Variants in ZPLD1 observed in about 807,000 individuals in gnomAD.
ZPLD1 encodes zona pellucida like domain containing 1.
In ZPLD1, 34 loss-of-function variants were observed where a neutral mutation model predicts 47.2. The ratio of observed to expected loss-of-function variants is 0.72; its 90% CI spans 0.55 to 0.96. The LOEUF is 0.96. Ranked by LOEUF, ZPLD1 falls within the 40% of genes least tolerant of loss-of-function variation. The pLI, the probability that ZPLD1 is intolerant of heterozygous loss-of-function variation, is 0.00. For synonymous variants in ZPLD1, 176 were observed against 186.2 expected, an observed-to-expected ratio of 0.95 and a Z score of 0.45; for missense variants, 512 against 505.8, an observed-to-expected ratio of 1.01 and a Z score of -0.12.
chr3:102,453,053 G>A lies in ZPLD1; in HGVS notation c.241G>A (p.Gly81Arg), dbSNP rs1380057326. The A allele has an allele frequency of 1.2e-6, 2 of 1,614,046 alleles. No homozygotes were observed. The highest frequency in any genetic ancestry group is 1.7e-6 in the Non-Finnish European group (2 of 1,179,990). Residue 81 changes from glycine (G) to arginine (R), a missense_variant, in exon 4 of 12, where the codon GGG becomes AGG. By Grantham distance (125) the Gly-to-Arg change is moderately radical. Transcript: ENST00000466937. ...NGRHGDSHCR[G>R]FINNNTFPAV... ...AAGGCATGGGGACTCCCACTGCAGA[G>A]GGTTCATCAATAACAACACCTTTCC...
intron 10 of ZPLD1, among the ~76,000 whole-genome samples, chr3:102,471,267 C>T (rs890831414): frequency 6.6e-6 from 1 of 152,174 alleles, no homozygotes; most frequent in Non-Finnish European, 1.5e-5. Flanking sequence ...CACAGGGCTC[C>T]TCCCAGACAA....
intron 6 of ZPLD1, among the ~76,000 whole-genome samples, chr3:102,388,225 T>C (rs1381647940): frequency 6.6e-6 from 1 of 152,190 alleles, no homozygotes; most frequent in Non-Finnish European, 1.5e-5. Flanking sequence ...CACTCTGCTC[T>C]GATCATCCGA....
chr3:102,475,032 C>T lies in ZPLD1; in HGVS notation c.1043-1980C>T, dbSNP rs1431394841. ...GCAATAATACAAAAATTGGAGGCTA[C>T]CAGAAATAGCAACTAGATAAAGCAA... On this transcript the variant is annotated intron_variant, in intron 10 of 11. Transcript: ENST00000466937. 5.3e-5 allele frequency among the ~76,000 whole-genome samples: 8 copies of T among 151,492 alleles called. 1 individual carries two copies. Among genetic ancestry groups the T allele is most frequent in the Admixed American group, 6.6e-5 (1 of 15,152 alleles).
At chr3:102,459,054 C>T (rs941967341) in intron 6 of ZPLD1, among the ~76,000 whole-genome samples, 2 of 132,930 alleles carry the variant, frequency 1.5e-5, no homozygotes, top group Non-Finnish European at 3.1e-5. Context: ...AGCACCACTG[C>T]ACTCCAGCCT....
At chr3:102,414,417 G>A (rs1706780914) in intron 7 of ZPLD1, among the ~76,000 whole-genome samples, 1 of 151,782 alleles carries the variant, frequency 6.6e-6, no homozygotes, top group African/African-American at 2.4e-5. Context: ...TTGTCAAATA[G>A]GACAGTATTG....
chr3:102,469,030 T>C lies in ZPLD1; in HGVS notation c.828T>C (p.Phe276=). ...GAAGCCAGCGGGGCCGGTTTTCTTTTGAAGTGTTCCGATTTGTGAAACACA... is the reference window on the plus strand; with the variant it reads ...GAAGCCAGCGGGGCCGGTTTTCTTTCGAAGTGTTCCGATTTGTGAAACACA... The part of the protein sequence containing the change: ...NGRSQRGRFS[F]EVFRFVKHKN... The change falls in exon 9 of 12, where the codon TTT becomes TTC. Residue 276 remains phenylalanine (F), a synonymous_variant. Transcript: ENST00000466937. 6.2e-7 allele frequency: 1 copy of C among 1,614,168 alleles called. No homozygotes were observed. Among genetic ancestry groups the C allele is most frequent in the Non-Finnish European group, 8.5e-7 (1 of 1,180,014 alleles).
At chr3:102,468,618 GA>G (rs1180980070) in intron 8 of ZPLD1, among the ~76,000 whole-genome samples, 1 of 152,112 alleles carries the variant, frequency 6.6e-6, no homozygotes, top group East Asian at 1.9e-4. Flanking sequence ...TATACCCTGG[GA>G]ATGATGTGAA....
rs372009877 is a variant in ZPLD1, at chr3:102,396,713, G to C, written c.-157+4488G>C. ...GCAGCATTCAGATGGAGTGGTGCTGGCTAAAGCCTGAGCCTTTGACCACGG... is the reference window on the plus strand; with the variant it reads ...GCAGCATTCAGATGGAGTGGTGCTGCCTAAAGCCTGAGCCTTTGACCACGG... On this transcript the variant is annotated intron_variant, in intron 7 of 17. Transcript: ENST00000491959. 1.6e-3 allele frequency among the ~76,000 whole-genome samples: 249 copies of C among 152,206 alleles called. 7 individuals are homozygous for C. The South Asian group carries it at 0.051, about 31-fold the overall frequency.
intron 8 of ZPLD1, among the ~76,000 whole-genome samples, chr3:102,465,796 A>G (rs1405142993): frequency 6.6e-6 from 1 of 152,232 alleles, no homozygotes; most frequent in Non-Finnish European, 1.5e-5. Context: ...AAACCTAGAA[A>G]TTCTAAAGTA....
chr3:102,459,161 G>A (rs939467014), intron 6 of ZPLD1, among the ~76,000 whole-genome samples: 1 of 149,130 alleles, frequency 6.7e-6, no homozygotes, highest in African/African-American at 2.5e-5. Context: ...CTCAGCAAGC[G>A]TGTGCCAGTA....
chr3:102,442,748 T>C (rs1325342698), intron 3 of ZPLD1, among the ~76,000 whole-genome samples: 1 of 152,214 alleles, frequency 6.6e-6, no homozygotes, highest in Non-Finnish European at 1.5e-5. Context: ...CTATGTGACC[T>C]TTGCTGTTTC....
intron 7 of ZPLD1, among the ~76,000 whole-genome samples, chr3:102,415,962 C>A (rs1706800301): frequency 6.6e-6 from 1 of 151,840 alleles, no homozygotes; most frequent in African/African-American, 2.4e-5. Context: ...CAGGATAACT[C>A]CTCAGCTTTC....
upstream of ZPLD1, among the ~76,000 whole-genome samples, chr3:102,430,736 T>G (rs2107314113): frequency 6.6e-6 from 1 of 152,172 alleles, no homozygotes; most frequent in East Asian, 1.9e-4. Flanking sequence ...TACTGGCATT[T>G]TGTCCCTTGT....
chr3:102,437,586 A>C (rs62272476), intron 2 of ZPLD1, among the ~76,000 whole-genome samples: 14,520 of 152,236 alleles, frequency 0.095, 900 homozygotes, highest in Middle Eastern at 0.15. Flanking sequence ...GATTCTTTTC[A>C]GTGTACAAAC....
intron 6 of ZPLD1, among the ~76,000 whole-genome samples, chr3:102,460,255 A>G (rs1707486036): frequency 6.6e-6 from 1 of 152,032 alleles, no homozygotes; most frequent in South Asian, 2.1e-4. Flanking sequence ...GAAATTTTAT[A>G]TTACATCCCA....
chr3:102,422,671 GA>G (rs568145889), intron 8 of ZPLD1, among the ~76,000 whole-genome samples: 2 of 152,116 alleles, frequency 1.3e-5, no homozygotes, highest in African/African-American at 4.8e-5. Context: ...GGCTTGGGAA[GA>G]GCTGCTTTAT....
chr3:102,444,030 A>G (rs746655882), intron 3 of ZPLD1, among the ~76,000 whole-genome samples: 3 of 152,266 alleles, frequency 2.0e-5, no homozygotes, highest in Non-Finnish European at 4.4e-5. Flanking sequence ...TTACAATGAT[A>G]AAGTGCAGTG....
chr3:102,396,983 G>A (rs1706564926), intron 7 of ZPLD1, among the ~76,000 whole-genome samples: 1 of 152,052 alleles, frequency 6.6e-6, no homozygotes. Flanking sequence ...TTTGCAGTGA[G>A]GATTGTATGA....
intron 6 of ZPLD1, chr3:102,385,364 T>C (rs988788598): frequency 3.9e-5 from 6 of 152,184 alleles, no homozygotes; most frequent in Non-Finnish European, 7.4e-5. Flanking sequence ...CCACAACTGG[T>C]ACTACAATTA....
Sources: gnomAD v4.1 joint callset for allele counts (sites outside exome capture counted in the v4.1 genomes callset) on GRCh38, gnomAD v4.1.1 for gene constraint, MANE v1.5 for transcripts, NCBI Gene and HGNC (gene_info 2026-07-23, HGNC 2026-07-21) for gene names.